PCDHGA11: variants seen among roughly 807,000 people sequenced by gnomAD.
PCDHGA11 encodes protocadherin gamma-A11.
In PCDHGA11, 39 loss-of-function variants were observed where a neutral mutation model predicts 60.4. That is an observed-to-expected ratio of 0.65 (90% CI 0.50 to 0.84). The LOEUF (loss-of-function observed/expected upper bound fraction) is 0.84. Ranked by LOEUF, PCDHGA11 falls within the 40% of genes least tolerant of loss-of-function variation. The probability of loss-of-function intolerance (pLI) is 0.00; values close to 1 mark genes in which losing one functional copy is unlikely to be tolerated. For synonymous variants in PCDHGA11, 533 were observed against 510.3 expected, an observed-to-expected ratio of 1.04 and a Z score of -0.60; for missense variants, 1,165 against 1,197.7, an observed-to-expected ratio of 0.97 and a Z score of 0.40.
intron 1 of PCDHGA11, among the ~76,000 whole-genome samples, chr5:141,449,007 T>A (rs937327801): frequency 3.3e-5 from 5 of 152,116 alleles, no homozygotes; most frequent in African/African-American, 1.2e-4. Context: ...CTGTTTTTTT[T>A]AACAGTTGCT....
rs2096665320 is a variant in PCDHGA11 at position 141,422,696 on chromosome 5, A to G, written c.1469A>G (p.Tyr490Cys). The G allele has an allele frequency of 3.1e-6, 5 of 1,602,638 alleles. No homozygotes were observed. The highest frequency in any genetic ancestry group is 4.3e-6 in the Non-Finnish European group (5 of 1,174,110). The change falls in exon 1 of 4, where the codon TAC becomes TGC. Residue 490 changes from tyrosine (Y) to cysteine (C), a missense_variant. Coordinates refer to ENST00000398587, the MANE Select transcript of PCDHGA11 (RefSeq NM_018914.3). ...PDSKQNALVT[Y>C]SLTDDTVQGV... Reference sequence around the variant, plus strand: ...AGCAAACAGAATGCCCTGGTCACTTACTCTCTGACGGATGACACTGTCCAG... The same window carrying G: ...AGCAAACAGAATGCCCTGGTCACTTGCTCTCTGACGGATGACACTGTCCAG...
At position 141,505,479 on chromosome 5, in the gene PCDHGA11, G is replaced by A; in HGVS notation, c.2579G>A (p.Ser860Asn). 1 of 1,614,228 alleles carries A rather than the reference G, an allele frequency of 6.2e-7. No homozygotes were observed. The highest frequency in any genetic ancestry group is 8.5e-7 in the Non-Finnish European group (1 of 1,180,018). Residue 860 changes from serine to asparagine, a missense_variant and splice_region_variant, in exon 3 of 4, where the codon AGT (serine) becomes AAT (asparagine). Ser to Asn is a conservative substitution (Grantham distance 46, BLOSUM62 1). Coordinates refer to ENST00000398587, the MANE Select transcript of PCDHGA11 (RefSeq NM_018914.3). Reference sequence around the variant, plus strand: ...CAAGCCATGATCTTGGCGTCCGCCAGTGGTAAGTGGTGTCAGTGTGTGTAT... The same window carrying A: ...CAAGCCATGATCTTGGCGTCCGCCAATGGTAAGTGGTGTCAGTGTGTGTAT... Reference protein sequence around the residue: ...MLQAMILASASEAADGSSTLG... With the variant: ...MLQAMILASANEAADGSSTLG...
chr5:141,467,295 C>T (rs2099141170), intron 1 of PCDHGA11, among the ~76,000 whole-genome samples: 1 of 152,114 alleles, frequency 6.6e-6, no homozygotes, highest in South Asian at 2.1e-4. Flanking sequence ...TCAAGTGATC[C>T]ACTCACCTCG....
At chr5:141,449,837 T>A (rs917239289) in intron 1 of PCDHGA11, among the ~76,000 whole-genome samples, 3 of 151,742 alleles carry the variant, frequency 2.0e-5, no homozygotes, top group Non-Finnish European at 4.4e-5. Context: ...TTCTTTTATA[T>A]AATTAAATTT....
chr5:141,449,994 G>T (rs2098661673), intron 1 of PCDHGA11, among the ~76,000 whole-genome samples: 2 of 131,786 alleles, frequency 1.5e-5, no homozygotes, highest in Admixed American at 7.9e-5. Context: ...ATTGCATTTA[G>T]TTGCCATGTC....
chr5:141,466,989 G>C, intron 1 of PCDHGA11, among the ~76,000 whole-genome samples: 1 of 150,922 alleles, frequency 6.6e-6, no homozygotes. Context: ...TTTACCTTTT[G>C]GCATTTTTTT....
chr5:141,439,680 A>T (rs1478261632), intron 1 of PCDHGA11, among the ~76,000 whole-genome samples: 1 of 152,236 alleles, frequency 6.6e-6, no homozygotes, highest in African/African-American at 2.4e-5. Context: ...ATCCAAGAGC[A>T]GACCCACAAC....
At chr5:141,458,651 C>T (rs924873907) in intron 1 of PCDHGA11, among the ~76,000 whole-genome samples, 1 of 152,114 alleles carries the variant, frequency 6.6e-6, no homozygotes. Context: ...CTCACTGCAA[C>T]CTCCACCTCT....
At position 141,497,209 on chromosome 5, in the gene PCDHGA11, T is replaced by TG. The variant is rs11343387; in HGVS notation, c.2492+2353dup. On this transcript the variant is annotated intron_variant, in intron 2 of 3. Coordinates refer to ENST00000398587, the MANE Select transcript of PCDHGA11 (RefSeq NM_018914.3). ...GAGGCAGAGAACAATGTGAGTGTAA[T>TG]GGGGGGGGGAAGATCAGAGAAGGCT... Among the ~76,000 whole-genome samples the TG allele has an allele frequency of 1.3e-3, 196 of 151,342 alleles. 1 individual carries two copies. The South Asian group carries it at 0.02, about 15-fold the overall frequency.
intron 1 of PCDHGA11, chr5:141,484,976 G>T: frequency 1.7e-6 from 1 of 592,920 alleles, no homozygotes; most frequent in South Asian, 2.1e-5. Flanking sequence ...GCCGCTGTCT[G>T]CCAATCGGGT....
chr5:141,510,272 TA>T (rs546154379), intron 3 of PCDHGA11, among the ~76,000 whole-genome samples: 4,704 of 130,308 alleles, frequency 0.036, 80 homozygotes, highest in South Asian at 0.057. Flanking sequence ...GACTCCATCT[TA>T]AAAAAAAAAA....
Position 141,438,643 on chromosome 5 carries a change from C to CATAT in PCDHGA11, c.2433+14984_2433+14985insTATA, listed in dbSNP as rs1213792286. ...ATATATATATATATATATACACACACACACACACATATATGTATATATATA... is the reference window on the plus strand; with the variant it reads ...ATATATATATATATATATACACACACATATACACACACATATATGTATATATATA... On this transcript the variant is annotated intron_variant, in intron 1 of 3. Transcript: ENST00000398587. Among the ~76,000 whole-genome samples, 345 of 117,382 alleles carry CATAT rather than the reference C, an allele frequency of 2.9e-3. 2 individuals are homozygous for CATAT. Among genetic ancestry groups the CATAT allele is most frequent in the Admixed American group, 6.8e-3 (78 of 11,434 alleles). 77.0% of individuals were successfully genotyped at this position (117,382 alleles called of 152,430 possible). A position where few individuals can be genotyped will look rare whatever the true frequency, so the allele number is the denominator to read the frequency against.
chr5:141,507,097 A>G (rs1343795018), intron 3 of PCDHGA11: 1 of 152,082 alleles, frequency 6.6e-6, no homozygotes, highest in African/African-American at 2.4e-5. Flanking sequence ...TGCTCTTTCT[A>G]CTATAGGGAC....
rs747283905 is a variant in PCDHGA11, at chr5:141,491,693, G to A, written c.2434-3114G>A. On this transcript the variant is annotated intron_variant, in intron 1 of 3. Transcript: ENST00000398587. The surrounding 1 kb of genome is among the most constrained non-coding windows in gnomAD (Gnocchi z 6.9). ...TCCCGCTCTAATACGCTGCGGGAGC[G>A]GAGCCAGGTGAGGGGCTCGGCGCCG... 3.7e-5 allele frequency: 59 copies of A among 1,612,434 alleles called. No homozygotes were observed. Among genetic ancestry groups the A allele is most frequent in the Non-Finnish European group, 4.7e-5 (55 of 1,179,352 alleles).
Position 141,486,294 on chromosome 5 carries a change from T to C in PCDHGA11, c.2434-8513T>C, listed in dbSNP as rs764106041. The C allele has an allele frequency of 1.2e-6, 2 of 1,614,036 alleles. No homozygotes were observed. The highest frequency in any genetic ancestry group is 1.7e-6 in the Non-Finnish European group (2 of 1,179,998). On this transcript the variant is annotated intron_variant, in intron 1 of 3. Transcript: ENST00000398587. The surrounding 1 kb of genome is among the most constrained non-coding windows in gnomAD (Gnocchi z 5.0). ...GGCACTGTGGTGGCACTTATCAGTG[T>C]GCAGGATCCAGACTCAGGGTCAAAC...
chr5:141,430,957 C>T (rs771551541), intron 1 of PCDHGA11: 42 of 1,611,532 alleles, frequency 2.6e-5, no homozygotes, highest in Middle Eastern at 3.3e-4. Context: ...GAGTCCGCAT[C>T]ATCCCCAGAG....
At chr5:141,449,328 C>G (rs1340432771) in intron 1 of PCDHGA11, among the ~76,000 whole-genome samples, 1 of 151,866 alleles carries the variant, frequency 6.6e-6, no homozygotes, top group African/African-American at 2.4e-5. Flanking sequence ...ATCTGTAGGC[C>G]AGGTGCAGTG....
In PCDHGA11 at chr5:141,476,042, T is replaced by C. The variant is rs199923442; in HGVS notation, c.2434-18765T>C. On this transcript the variant is annotated intron_variant, in intron 1 of 3. Coordinates refer to ENST00000398587, the MANE Select transcript of PCDHGA11 (RefSeq NM_018914.3). The surrounding 1 kb of genome is among the most constrained non-coding windows in gnomAD (Gnocchi z 7.6). Reference sequence around the variant, plus strand: ...GACTCGGCGCCCAGCGCCCAAGCGCTAACCCGCTGAAAGTTTCTCAGCGAA... The same window carrying C: ...GACTCGGCGCCCAGCGCCCAAGCGCCAACCCGCTGAAAGTTTCTCAGCGAA... 1.4e-5 allele frequency: 21 copies of C among 1,491,832 alleles called. No individual in the cohort carries two copies. The highest frequency in any genetic ancestry group is 2.7e-6 in the Non-Finnish European group (3 of 1,123,808). 92.4% of individuals were successfully genotyped at this position (1,491,832 alleles called of 1,614,324 possible). A position where few individuals can be genotyped will look rare whatever the true frequency, so the allele number is the denominator to read the frequency against.
In PCDHGA11 at chr5:141,477,794, C is replaced by A. The variant is rs148942362; in HGVS notation, c.2434-17013C>A. On this transcript the variant is annotated intron_variant, in intron 1 of 3. Coordinates refer to ENST00000398587, the MANE Select transcript of PCDHGA11 (RefSeq NM_018914.3). This position sits in a 1 kb window ranked among gnomAD's most constrained non-coding sequence, Gnocchi z 4.9. ...CAGCGTGAACATATTTGTCACTGAT[C>A]GCAATGACAATGCCCCCCAGGTCCT... The A allele has an allele frequency of 5.6e-6, 9 of 1,614,086 alleles. No individual in the cohort carries two copies. Among genetic ancestry groups the A allele is most frequent in the Non-Finnish European group, 7.6e-6 (9 of 1,180,030 alleles).
Sources: allele counts gnomAD v4.1 joint callset (sites outside exome capture counted in the v4.1 genomes callset), GRCh38; gene constraint gnomAD v4.1.1; non-coding constraint Gnocchi (gnomAD v3.1); transcripts MANE v1.5; gene names NCBI Gene and HGNC (gene_info 2026-07-23, HGNC 2026-07-21).